CTNNA3: variants seen among roughly 807,000 people sequenced by gnomAD.
The protein encoded by CTNNA3 is catenin alpha-3.
Under a neutral mutation model 95.7 loss-of-function variants are expected in CTNNA3, and 76 were observed. That is an observed-to-expected ratio of 0.79 (90% CI 0.66 to 0.96). CTNNA3 has a LOEUF of 0.96. Among genes scored for constraint, CTNNA3 ranks in the 40% least tolerant of loss-of-function variants. CTNNA3 has a pLI of 0.00. For missense variants in CTNNA3, 1,191 were observed against 1,089.8 expected, an observed-to-expected ratio of 1.09 and a Z score of -1.31; for synonymous variants, 431 against 374.4, an observed-to-expected ratio of 1.15 and a Z score of -1.74.
At chr10:67,159,133 T>C (rs890244915) in intron 7 of CTNNA3, among the ~76,000 whole-genome samples, 1 of 152,198 alleles carries the variant, frequency 6.6e-6, no homozygotes, top group South Asian at 2.1e-4. Flanking sequence ...AGAACAACAC[T>C]GTGAAACTCC....
intron 8 of CTNNA3, among the ~76,000 whole-genome samples, chr10:66,773,008 A>T (rs1840156277): frequency 6.6e-6 from 1 of 152,236 alleles, no homozygotes; most frequent in Non-Finnish European, 1.5e-5. Context: ...TGCTTACAAC[A>T]ACTGTTGGAT....
chr10:66,341,568 G>T (rs1181870367), intron 12 of CTNNA3, among the ~76,000 whole-genome samples: 1 of 151,884 alleles, frequency 6.6e-6, no homozygotes, highest in Non-Finnish European at 1.5e-5. Flanking sequence ...AAAGTTGGCA[G>T]AAATAATGGA....
intron 11 of CTNNA3, among the ~76,000 whole-genome samples, chr10:66,493,903 CTTTT>C (rs1181967222): frequency 8.2e-5 from 8 of 98,146 alleles, no homozygotes; most frequent in Non-Finnish European, 1.5e-4. Flanking sequence ...CTGCGCCGGC[CTTTT>C]TTTTTTTTTT....
chr10:67,070,124 A>C (rs1240516333), intron 7 of CTNNA3, among the ~76,000 whole-genome samples: 2 of 152,148 alleles, frequency 1.3e-5, no homozygotes. Flanking sequence ...TTTTGACTTA[A>C]TTTGCATTAG....
chr10:67,637,832 A>C (rs1046084061), intron 2 of CTNNA3, among the ~76,000 whole-genome samples: 5 of 146,780 alleles, frequency 3.4e-5, no homozygotes, highest in South Asian at 4.2e-4. Flanking sequence ...TTTGTCACCA[A>C]CAGGCCTGCC....
At chr10:66,950,194 A>G (rs1004904736) in intron 7 of CTNNA3, among the ~76,000 whole-genome samples, 1 of 152,060 alleles carries the variant, frequency 6.6e-6, no homozygotes, top group Non-Finnish European at 1.5e-5. Context: ...TACATAAACT[A>G]TTTTCTGATA....
chr10:66,963,800 G>T (rs1564798044), intron 7 of CTNNA3, among the ~76,000 whole-genome samples: 1 of 151,778 alleles, frequency 6.6e-6, no homozygotes, highest in Non-Finnish European at 1.5e-5. Context: ...AAGTGGTGTT[G>T]CCCCATTCTC....
At chr10:67,302,531 T>C (rs1017021296) in intron 5 of CTNNA3, among the ~76,000 whole-genome samples, 2 of 152,300 alleles carry the variant, frequency 1.3e-5, no homozygotes, top group African/African-American at 4.8e-5. Flanking sequence ...GTTTATACAA[T>C]AAATATAAAC....
intron 9 of CTNNA3, among the ~76,000 whole-genome samples, chr10:66,727,814 C>T (rs1009683191): frequency 1.2e-4 from 19 of 152,122 alleles, no homozygotes; most frequent in Non-Finnish European, 1.9e-4. Context: ...AAATGCACAT[C>T]AAGTAATAGG....
intron 1 of CTNNA3, among the ~76,000 whole-genome samples, chr10:67,726,415 A>T (rs1316407538): frequency 3.9e-4 from 23 of 58,986 alleles, no homozygotes; most frequent in Non-Finnish European, 4.8e-4. Flanking sequence ...TATCATATAT[A>T]ATATTATATA....
chr10:67,391,066 C>G (rs2132768510), intron 5 of CTNNA3, among the ~76,000 whole-genome samples: 1 of 150,638 alleles, frequency 6.6e-6, no homozygotes, highest in African/African-American at 2.4e-5. Flanking sequence ...GGCAATTAGG[C>G]AGGAGAAGGA....
intron 17 of CTNNA3, among the ~76,000 whole-genome samples, chr10:65,961,204 C>G (rs555790199): frequency 5.5e-4 from 84 of 152,124 alleles, no homozygotes; most frequent in Non-Finnish European, 1.0e-3. Flanking sequence ...CCTCAAGTAT[C>G]TCTTTCTTTC....
intron 7 of CTNNA3, among the ~76,000 whole-genome samples, chr10:66,896,846 G>A (rs185961421): frequency 4.1e-4 from 63 of 152,268 alleles, no homozygotes; most frequent in Admixed American, 2.7e-3. Context: ...GTAGGAGTCG[G>A]CTCAAGGCCT....
At chr10:66,175,104 G>A (rs540021601) in intron 13 of CTNNA3, among the ~76,000 whole-genome samples, 1 of 152,090 alleles carries the variant, frequency 6.6e-6, no homozygotes, top group East Asian at 1.9e-4. Context: ...GAAGCTACAT[G>A]ATATCTTATT....
intron 7 of CTNNA3, among the ~76,000 whole-genome samples, chr10:67,058,020 A>G (rs1589674647): frequency 6.6e-6 from 1 of 152,178 alleles, no homozygotes; most frequent in Non-Finnish European, 1.5e-5. Context: ...TCCCCACATC[A>G]TAGACACACC....
intron 11 of CTNNA3, among the ~76,000 whole-genome samples, chr10:66,380,912 A>T (rs369338218): frequency 5.3e-5 from 8 of 151,226 alleles, no homozygotes; most frequent in African/African-American, 2.0e-4. Flanking sequence ...GCAAGTCCTT[A>T]GAGACCTACA....
At chr10:66,448,958 A>T (rs2093443942) in intron 11 of CTNNA3, among the ~76,000 whole-genome samples, 2 of 152,138 alleles carry the variant, frequency 1.3e-5, no homozygotes, top group Non-Finnish European at 2.9e-5. Flanking sequence ...AGATTGGCTA[A>T]GAGTAAATCC....
chr10:65,985,556 T>C (rs1380222358), intron 16 of CTNNA3, among the ~76,000 whole-genome samples: 3 of 151,520 alleles, frequency 2.0e-5, no homozygotes, highest in Non-Finnish European at 3.0e-5. Flanking sequence ...GTATTATCTT[T>C]AGTATTCTAC....
chr10:67,556,843 T>C (rs974135881), intron 3 of CTNNA3, among the ~76,000 whole-genome samples: 8 of 152,226 alleles, frequency 5.3e-5, no homozygotes, highest in African/African-American at 1.9e-4. Context: ...TTAATTGTGA[T>C]GTTAGGGTGT....
Sources: gnomAD v4.1 joint callset for allele counts (sites outside exome capture counted in the v4.1 genomes callset) on GRCh38, gnomAD v4.1.1 for gene constraint, MANE v1.5 for transcripts, NCBI Gene and HGNC (gene_info 2026-07-23, HGNC 2026-07-21) for gene names.